Variants in ATP13A5 observed in about 807,000 individuals in gnomAD.
The protein encoded by ATP13A5 is probable cation-transporting ATPase 13A5.
A neutral mutation model predicts 150.2 loss-of-function variants in ATP13A5; 149 were observed. That is an observed-to-expected ratio of 0.99 (90% confidence interval 0.87 to 1.14). The LOEUF is 1.14. Among genes scored for constraint, ATP13A5 ranks in the 50% most tolerant of loss-of-function variants. The probability of loss-of-function intolerance (pLI) is 0.00; values close to 1 mark genes in which losing one functional copy is unlikely to be tolerated. For synonymous variants in ATP13A5, 497 were observed against 522.2 expected (o/e 0.95, Z 0.66); for missense variants, 1,383 against 1,449.3 (o/e 0.95, Z 0.74).
chr3:193,345,637 C>T (rs1427572984), intron 7 of ATP13A5, among the ~76,000 whole-genome samples: 2 of 152,070 alleles, frequency 1.3e-5, no homozygotes, highest in Admixed American at 1.3e-4. Flanking sequence ...CTGTATGAGT[C>T]GCTGAAGATT....
intron 17 of ATP13A5, among the ~76,000 whole-genome samples, chr3:193,318,560 C>G (rs1177401247): frequency 1.3e-5 from 2 of 152,150 alleles, no homozygotes; most frequent in Admixed American, 1.3e-4. Context: ...GAAAAAACCA[C>G]GTCTAAAGTA....
intron 26 of ATP13A5, among the ~76,000 whole-genome samples, chr3:193,286,772 GTCTC>G (rs1183099899): frequency 1.3e-5 from 2 of 152,068 alleles, no homozygotes; most frequent in Non-Finnish European, 2.9e-5. Flanking sequence ...AGAGTCACGT[GTCTC>G]TCTCTTTAAA....
intron 9 of ATP13A5, among the ~76,000 whole-genome samples, chr3:193,335,642 A>C (rs1371758498): frequency 6.6e-6 from 1 of 152,160 alleles, no homozygotes; most frequent in Non-Finnish European, 1.5e-5. Flanking sequence ...TAGTTATTCC[A>C]CATCATTTTC....
intron 25 of ATP13A5, among the ~76,000 whole-genome samples, chr3:193,295,404 A>G (rs947091884): frequency 1.3e-5 from 2 of 151,864 alleles, no homozygotes; most frequent in East Asian, 1.9e-4. Flanking sequence ...CTCCACTGCT[A>G]TCTCCTCCTT....
intron 21 of ATP13A5, among the ~76,000 whole-genome samples, chr3:193,309,167 G>A (rs1012527229): frequency 6.6e-6 from 1 of 152,098 alleles, no homozygotes; most frequent in Non-Finnish European, 1.5e-5. Flanking sequence ...TCACTATAAG[G>A]TAACTTGGTC....
chr3:193,359,663 GTGGCTTAAGT>G (rs1031274960), intron 5 of ATP13A5, among the ~76,000 whole-genome samples: 3 of 152,198 alleles, frequency 2.0e-5, no homozygotes, highest in African/African-American at 4.8e-5. Flanking sequence ...TGTCACCTTG[GTGGCTTAAGT>G]TGGCCATGGA....
chr3:193,360,632 G>A (rs1054472193), intron 5 of ATP13A5, among the ~76,000 whole-genome samples: 1 of 152,172 alleles, frequency 6.6e-6, no homozygotes, highest in African/African-American at 2.4e-5. Flanking sequence ...TTTGGAAAAT[G>A]ATACTCTTTG....
At chr3:193,341,637 C>T (rs576998306) in intron 9 of ATP13A5, among the ~76,000 whole-genome samples, 1 of 152,186 alleles carries the variant, frequency 6.6e-6, no homozygotes, top group Non-Finnish European at 1.5e-5. Flanking sequence ...TCAGACCCCT[C>T]TCCCTGATGT....
intron 8 of ATP13A5, 109 bp downstream of exon 8, chr3:193,344,894 G>A: frequency 8.9e-7 from 1 of 1,124,780 alleles, no homozygotes; most frequent in Non-Finnish European, 1.3e-6. Context: ...TCCCAGTTCT[G>A]GGTTCAATCT....
chr3:193,363,233 T>C lies in ATP13A5; in HGVS notation c.384+3A>G. 2 of 1,611,976 alleles carry C rather than the reference T, an allele frequency of 1.2e-6. No individual in the cohort carries two copies. The highest frequency in any genetic ancestry group is 1.7e-6 in the Non-Finnish European group (2 of 1,179,046). The stretch of plus-strand genomic sequence containing the variant: ...ATAACACCATACCCTTCAAGTAACT[T>C]ACTTTTAATTCTGGCTTTATTAAGG... On this transcript the variant is annotated splice_donor_region_variant and intron_variant, in intron 3 of 29. Coordinates refer to ENST00000342358, the MANE Select transcript of ATP13A5 (RefSeq NM_198505.4).
intron 23 of ATP13A5, among the ~76,000 whole-genome samples, chr3:193,304,465 T>C (rs1259055951): frequency 6.6e-6 from 1 of 152,204 alleles, no homozygotes; most frequent in Non-Finnish European, 1.5e-5. Flanking sequence ...TTTATTCTGA[T>C]GCACCAAAGG....
chr3:193,316,363 T>C (rs531437468), intron 17 of ATP13A5, among the ~76,000 whole-genome samples: 1 of 152,236 alleles, frequency 6.6e-6, no homozygotes, highest in Admixed American at 6.5e-5. Context: ...CACCTGGTGA[T>C]CCAATGTTTT....
chr3:193,352,603 C>T (rs553110091), intron 6 of ATP13A5, among the ~76,000 whole-genome samples: 119 of 151,974 alleles, frequency 7.8e-4, no homozygotes, highest in Non-Finnish European at 8.4e-4. Context: ...AATTTGAAAA[C>T]GTACTTGACG....
At chr3:193,331,668 T>TATA (rs1711633621) in intron 11 of ATP13A5, among the ~76,000 whole-genome samples, 1 of 152,176 alleles carries the variant, frequency 6.6e-6, no homozygotes, top group African/African-American at 2.4e-5. Context: ...TGGATGGCAA[T>TATA]ATAATTAAAA....
chr3:193,328,687 G>A (rs528843778), intron 12 of ATP13A5, among the ~76,000 whole-genome samples: 1 of 152,286 alleles, frequency 6.6e-6, no homozygotes, highest in African/African-American at 2.4e-5. Context: ...ATAAATTCAA[G>A]CCCAGGCTTG....
chr3:193,313,683 G>C lies in ATP13A5; in HGVS notation c.2319+350C>G, dbSNP rs2108853930. The C allele has an allele frequency of 1.1e-5, 2 of 181,420 alleles. 1 individual carries two copies. The highest frequency in any genetic ancestry group is 3.2e-4 in the South Asian group (2 of 6,304). The allele number at this position is 181,420 out of a possible 1,614,324, so 11.2% of individuals were successfully genotyped here. A position where few individuals can be genotyped will look rare whatever the true frequency, so the allele number is the denominator to read the frequency against. Reference sequence around the variant, plus strand: ...TCTCATCTGTAAAAATTAATGGTTTGCCCAATTGCATAGGGTTATTTTAAT... The same window carrying C: ...TCTCATCTGTAAAAATTAATGGTTTCCCCAATTGCATAGGGTTATTTTAAT... On this transcript the variant is annotated intron_variant, in intron 19 of 29. Coordinates refer to ENST00000342358, the MANE Select transcript of ATP13A5 (RefSeq NM_198505.4).
At chr3:193,337,871 A>G (rs1711950513) in intron 9 of ATP13A5, among the ~76,000 whole-genome samples, 1 of 152,178 alleles carries the variant, frequency 6.6e-6, no homozygotes. Context: ...TGAGTGTGGA[A>G]TGTTCTTCCA....
At chr3:193,344,838 C>T (rs1284401850) in intron 8 of ATP13A5, among the ~76,000 whole-genome samples, 165 bp downstream of exon 8, 1 of 152,138 alleles carries the variant, frequency 6.6e-6, no homozygotes, top group Non-Finnish European at 1.5e-5. Flanking sequence ...CATGATCTTG[C>T]CTCTTTAAAT....
chr3:193,316,032 T>A (rs1719040037), intron 17 of ATP13A5, among the ~76,000 whole-genome samples: 1 of 152,176 alleles, frequency 6.6e-6, no homozygotes, highest in Non-Finnish European at 1.5e-5. Context: ...CTATTTCAGA[T>A]GCTTCAGATA....
Sources: gnomAD v4.1 joint callset for allele counts (sites outside exome capture counted in the v4.1 genomes callset) on GRCh38, gnomAD v4.1.1 for gene constraint, MANE v1.5 for transcripts, NCBI Gene and HGNC (gene_info 2026-07-23, HGNC 2026-07-21) for gene names.